Variants in PTPRT observed in about 807,000 individuals in gnomAD.
PTPRT encodes receptor-type tyrosine-protein phosphatase T.
A neutral mutation model predicts 176.8 loss-of-function variants in PTPRT; 56 were observed. The ratio of observed to expected loss-of-function variants is 0.32; its 90% confidence interval spans 0.26 to 0.40. The LOEUF is 0.40. Ranked by LOEUF, PTPRT falls within the 10% of genes least tolerant of loss-of-function variation. PTPRT has a pLI of 1.00. For missense variants in PTPRT, 1,540 were observed against 1,908.2 expected, an observed-to-expected ratio of 0.81 and a Z score of 3.60; for synonymous variants, 783 against 739.0, an observed-to-expected ratio of 1.06 and a Z score of -0.96.
At chr20:42,781,887 T>C (rs2180588) in intron 3 of PTPRT, among the ~76,000 whole-genome samples, 16,532 of 152,246 alleles carry the variant, frequency 0.11, 1,380 homozygotes, top group East Asian at 0.41. Flanking sequence ...TAGGTTCAAG[T>C]CCTGGCTGTG....
chr20:42,347,699 G>A (rs1439185285), intron 11 of PTPRT, among the ~76,000 whole-genome samples: 1 of 152,156 alleles, frequency 6.6e-6, no homozygotes, highest in Admixed American at 6.5e-5. Context: ...CATTGCAAAT[G>A]TCCAATCAGA....
At chr20:42,582,518 A>G (rs1396779569) in intron 7 of PTPRT, among the ~76,000 whole-genome samples, 1 of 152,202 alleles carries the variant, frequency 6.6e-6, no homozygotes, top group Non-Finnish European at 1.5e-5. Flanking sequence ...CTGAAATTAA[A>G]TTAGCCTAGG....
intron 11 of PTPRT, among the ~76,000 whole-genome samples, chr20:42,322,744 C>A (rs1410847930): frequency 3.3e-5 from 5 of 151,868 alleles, no homozygotes; most frequent in Non-Finnish European, 7.4e-5. Flanking sequence ...GCAACAAAAG[C>A]CAAAATTGGC....
chr20:42,393,463 C>T (rs912079142), intron 9 of PTPRT, among the ~76,000 whole-genome samples: 5 of 152,128 alleles, frequency 3.3e-5, no homozygotes, highest in Non-Finnish European at 5.9e-5. Flanking sequence ...TGTATGCACT[C>T]ATACACCTCA....
chr20:42,099,720 T>A (rs1344342460), intron 26 of PTPRT, among the ~76,000 whole-genome samples: 8 of 152,138 alleles, frequency 5.3e-5, no homozygotes, highest in Admixed American at 5.2e-4. Context: ...GAGTTACAGC[T>A]GTTTTCAGTG....
intron 1 of PTPRT, among the ~76,000 whole-genome samples, chr20:43,048,993 G>A (rs1986945134): frequency 6.6e-6 from 1 of 152,162 alleles, no homozygotes; most frequent in African/African-American, 2.4e-5. Context: ...AGGGGTGTCA[G>A]ATGAAGCGGT....
chr20:42,274,486 G>A (rs1374072663), intron 13 of PTPRT, among the ~76,000 whole-genome samples: 4 of 150,502 alleles, frequency 2.7e-5, no homozygotes, highest in Non-Finnish European at 5.9e-5. Context: ...ACCACATCAC[G>A]TTTTGAGGAT....
chr20:42,752,309 T>C lies in PTPRT; in HGVS notation c.859+4153A>G, dbSNP rs1375230767. Reference sequence around the variant, plus strand: ...GGGCACTGTTCTAAGAACTCCTACATCCATTATCACATGTCATCCTCATGA... The same window carrying C: ...GGGCACTGTTCTAAGAACTCCTACACCCATTATCACATGTCATCCTCATGA... On this transcript the variant is annotated intron_variant, in intron 6 of 30. Coordinates refer to ENST00000373187, the MANE Select transcript of PTPRT (RefSeq NM_007050.6). Among the ~76,000 whole-genome samples the C allele has an allele frequency of 2.0e-5, 3 of 152,342 alleles. No individual in the cohort carries two copies. The East Asian group carries it at 5.8e-4, about 29-fold the overall frequency.
intron 1 of PTPRT, among the ~76,000 whole-genome samples, chr20:42,999,082 T>C (rs1984384267): frequency 6.6e-6 from 1 of 152,222 alleles, no homozygotes; most frequent in Non-Finnish European, 1.5e-5. Context: ...AGCATCTCTT[T>C]ATAGGCAACT....
intron 1 of PTPRT, among the ~76,000 whole-genome samples, chr20:42,975,194 T>C (rs944102334): frequency 1.3e-5 from 2 of 152,144 alleles, no homozygotes; most frequent in African/African-American, 4.8e-5. Context: ...TGAAAAACTA[T>C]CTAATATCCA....
At chr20:42,596,534 C>G (rs1251445361) in intron 7 of PTPRT, among the ~76,000 whole-genome samples, 2 of 152,104 alleles carry the variant, frequency 1.3e-5, no homozygotes, top group African/African-American at 2.4e-5. Flanking sequence ...AAAATAAAAA[C>G]AAAATTGTCA....
At chr20:42,660,161 G>A (rs540511108) in intron 7 of PTPRT, among the ~76,000 whole-genome samples, 145 of 152,302 alleles carry the variant, frequency 9.5e-4, no homozygotes, top group Non-Finnish European at 1.8e-3. Context: ...TGCTGGCCAC[G>A]TGGAAGGGGC....
At chr20:42,231,623 C>T (rs2056137694) in intron 15 of PTPRT, among the ~76,000 whole-genome samples, 1 of 152,158 alleles carries the variant, frequency 6.6e-6, no homozygotes, top group Admixed American at 6.5e-5. Flanking sequence ...TCTTGACTGT[C>T]ACACTCTTCC....
chr20:42,250,502 T>G (rs2056533495), intron 13 of PTPRT, among the ~76,000 whole-genome samples: 1 of 152,170 alleles, frequency 6.6e-6, no homozygotes, highest in East Asian at 1.9e-4. Context: ...CCCCCTTTTT[T>G]TTTGCTTAAG....
At chr20:42,253,411 G>A (rs2056581618) in intron 13 of PTPRT, among the ~76,000 whole-genome samples, 1 of 152,118 alleles carries the variant, frequency 6.6e-6, no homozygotes. Flanking sequence ...GATAACACCT[G>A]CGTTACTTTT....
chr20:42,767,187 G>A (rs951242560), intron 5 of PTPRT, among the ~76,000 whole-genome samples: 3 of 152,148 alleles, frequency 2.0e-5, no homozygotes, highest in Admixed American at 1.3e-4. Context: ...AATTTTATGA[G>A]TCAACTTGAC....
intron 7 of PTPRT, among the ~76,000 whole-genome samples, chr20:42,631,317 A>G (rs1240598434): frequency 6.6e-6 from 1 of 152,170 alleles, no homozygotes; most frequent in Non-Finnish European, 1.5e-5. Context: ...TTTTAGAGCT[A>G]TATGTAATTA....
At chr20:42,903,394 T>C (rs576309040) in intron 1 of PTPRT, among the ~76,000 whole-genome samples, 1 of 152,374 alleles carries the variant, frequency 6.6e-6, no homozygotes, top group African/African-American at 2.4e-5. Context: ...CATTTAGGAC[T>C]GGCTGACAGA....
At chr20:42,327,121 G>C (rs1056129813) in intron 11 of PTPRT, among the ~76,000 whole-genome samples, 3 of 150,550 alleles carry the variant, frequency 2.0e-5, no homozygotes, top group Non-Finnish European at 4.5e-5. Flanking sequence ...GTATGACAGA[G>C]AGAGAGAAAC....
Sources: allele counts gnomAD v4.1 joint callset (sites outside exome capture counted in the v4.1 genomes callset), GRCh38; gene constraint gnomAD v4.1.1; transcripts MANE v1.5; gene names NCBI Gene and HGNC (gene_info 2026-07-23, HGNC 2026-07-21).